TPST2: variants seen among roughly 807,000 people sequenced by gnomAD.
TPST2 encodes the protein protein-tyrosine sulfotransferase 2.
A neutral mutation model predicts 27.8 loss-of-function variants in TPST2; 16 were observed. The ratio of observed to expected loss-of-function variants is 0.58; its 90% CI spans 0.39 to 0.88. The LOEUF is 0.88. TPST2 is among the 40% of genes least tolerant of loss of function. The pLI is 0.00. For synonymous variants in TPST2, 229 were observed against 231.7 expected, an observed-to-expected ratio of 0.99 and a Z score of 0.10; for missense variants, 464 against 543.1, an observed-to-expected ratio of 0.85 and a Z score of 1.45.
At chr22:26,551,730 T>C (rs919915134) in intron 1 of TPST2, among the ~76,000 whole-genome samples, 2 of 152,174 alleles carry the variant, frequency 1.3e-5, no homozygotes, top group Middle Eastern at 3.4e-3. Context: ...TGGGTCAATC[T>C]TGGGCAGCTC....
At position 26,583,436 on chromosome 22, in the gene TPST2, C is replaced by CAAAA. The variant is rs775047318; in HGVS notation, c.-161+6613_-161+6616dup. Among the ~76,000 whole-genome samples, 101 of 63,644 alleles carry CAAAA rather than the reference C, an allele frequency of 1.6e-3. 7 individuals are homozygous for CAAAA. Among genetic ancestry groups the CAAAA allele is most frequent in the Middle Eastern group, 0.013 (1 of 76 alleles). 41.8% of individuals were successfully genotyped at this position (63,644 alleles called of 152,430 possible). A position where few individuals can be genotyped will look rare whatever the true frequency, so the allele number is the denominator to read the frequency against. On this transcript the variant is annotated intron_variant, in intron 1 of 6. Transcript: ENST00000338754. The stretch of plus-strand genomic sequence containing the variant: ...TGGGCGACAGAAGGAAACTCCATCT[C>CAAAA]AAAAAAAAAAAAAAAAAAAATGCCT...
intron 1 of TPST2, among the ~76,000 whole-genome samples, chr22:26,573,365 C>A (rs577999532): frequency 3.3e-5 from 5 of 152,324 alleles, no homozygotes; most frequent in African/African-American, 1.2e-4. Flanking sequence ...CTCGGGGTGA[C>A]AGCTGGGGCC....
chr22:26,534,248 C>A (rs1004620895), intron 4 of TPST2, among the ~76,000 whole-genome samples: 1 of 152,154 alleles, frequency 6.6e-6, no homozygotes, highest in Non-Finnish European at 1.5e-5. Context: ...TTGGAACACA[C>A]AGGGTCCACA....
At chr22:26,553,528 A>G (rs2147207554) in intron 1 of TPST2, among the ~76,000 whole-genome samples, 1 of 142,892 alleles carries the variant, frequency 7.0e-6, no homozygotes, top group African/African-American at 2.6e-5. Context: ...AAGTGCCACC[A>G]TGCCCAGTTA....
intron 1 of TPST2, among the ~76,000 whole-genome samples, chr22:26,584,677 C>CA (rs1218896133): frequency 2.0e-5 from 3 of 151,460 alleles, no homozygotes; most frequent in Non-Finnish European, 4.4e-5. Flanking sequence ...AACAAACAAA[C>CA]AAAAAAACCC....
At chr22:26,585,633 C>T (rs1928312586) in intron 1 of TPST2, among the ~76,000 whole-genome samples, 1 of 152,164 alleles carries the variant, frequency 6.6e-6, no homozygotes, top group South Asian at 2.1e-4. Context: ...CCACGTGGGG[C>T]ATCAAAGCCA....
At chr22:26,561,866 G>A (rs911996727) in intron 1 of TPST2, among the ~76,000 whole-genome samples, 2 of 152,150 alleles carry the variant, frequency 1.3e-5, no homozygotes, top group African/African-American at 4.8e-5. Flanking sequence ...AGGGCTGGCC[G>A]CCAGTCCAGT....
intron 1 of TPST2, chr22:26,555,141 G>A (rs1482231187): frequency 1.1e-5 from 6 of 531,342 alleles, no homozygotes; most frequent in Non-Finnish European, 2.3e-5. Context: ...ATTTTAACGT[G>A]GAGCTGAGGG....
chr22:26,567,735 C>T (rs1356054072), intron 1 of TPST2, among the ~76,000 whole-genome samples: 1 of 152,094 alleles, frequency 6.6e-6, no homozygotes, highest in Non-Finnish European at 1.5e-5. Context: ...GGACAGGCAA[C>T]ACAACAGAAA....
chr22:26,539,642 G>A lies in TPST2; in HGVS notation c.842+1147C>T, dbSNP rs186299988. On this transcript the variant is annotated intron_variant, in intron 3 of 6. Transcript: ENST00000338754. ...AAATGAGCTGGGTGTGGAGATGCTCGCCTGTAGTCCCAACTACTCGGGAGA... is the reference window on the plus strand; with the variant it reads ...AAATGAGCTGGGTGTGGAGATGCTCACCTGTAGTCCCAACTACTCGGGAGA... Among the ~76,000 whole-genome samples the A allele has an allele frequency of 2.8e-3, 431 of 151,658 alleles. 2 individuals are homozygous for A. The highest frequency in any genetic ancestry group is 1.0e-2 in the African/African-American group (413 of 41,356).
rs77069271 is a variant in TPST2 at position 26,532,647 on chromosome 22, G to A, written c.1092+48C>T. On this transcript the variant is annotated intron_variant, in intron 5 of 6. Transcript: ENST00000338754. ...TCTAAGGGCATACAGCCAGATGGTG[G>A]TATAGCTGAGAAAGACAGAATTCGG... 1,598 of 1,582,892 alleles carry A rather than the reference G, an allele frequency of 1.0e-3. 13 individuals are homozygous for A. In the African/African-American group the frequency reaches 0.02, roughly 20 times the overall value.
In TPST2 at chr22:26,532,018, C is replaced by T. The variant is rs146851431; in HGVS notation, c.1092+677G>A. ...GCATGATGGTGTGTGTCTGTAGTCTCAGCTTCTTGAGGGGCTGAGGTGAGA... is the reference window on the plus strand; with the variant it reads ...GCATGATGGTGTGTGTCTGTAGTCTTAGCTTCTTGAGGGGCTGAGGTGAGA... On this transcript the variant is annotated intron_variant, in intron 5 of 6. Coordinates refer to ENST00000338754, the MANE Select transcript of TPST2 (RefSeq NM_003595.5). 3.9e-3 allele frequency among the ~76,000 whole-genome samples: 595 copies of T among 152,304 alleles called. 3 individuals are homozygous for T. Among genetic ancestry groups the T allele is most frequent in the Non-Finnish European group, 7.1e-3 (480 of 68,036 alleles).
chr22:26,559,185 G>A (rs1926957766), intron 1 of TPST2, among the ~76,000 whole-genome samples: 1 of 152,232 alleles, frequency 6.6e-6, no homozygotes, highest in Admixed American at 6.5e-5. Flanking sequence ...GGCCAACATG[G>A]TGAAACCCTG....
chr22:26,577,470 GAGT>G (rs1927896518), intron 1 of TPST2, among the ~76,000 whole-genome samples: 1 of 151,432 alleles, frequency 6.6e-6, no homozygotes, highest in Non-Finnish European at 1.5e-5. Context: ...TCATCCTCCC[GAGT>G]AGTAGCTGGG....
intron 1 of TPST2, chr22:26,555,388 T>C: frequency 2.6e-6 from 1 of 388,660 alleles, no homozygotes; most frequent in South Asian, 1.9e-5. Flanking sequence ...AGACCTAAAG[T>C]TGGACAGACC....
chr22:26,586,694 G>A (rs1928360626), intron 1 of TPST2, among the ~76,000 whole-genome samples: 1 of 152,228 alleles, frequency 6.6e-6, no homozygotes, highest in Admixed American at 6.5e-5. Context: ...CAGCTGCCCA[G>A]ATGAACCAAG....
chr22:26,527,187 G>A lies in TPST2; in HGVS notation c.*8-920C>T, dbSNP rs146459894. 5.0e-4 allele frequency among the ~76,000 whole-genome samples: 76 copies of A among 152,316 alleles called. No individual in the cohort carries two copies. In the East Asian group the frequency reaches 0.011, roughly 22 times the overall value. On this transcript the variant is annotated intron_variant, in intron 6 of 6. Coordinates refer to ENST00000338754, the MANE Select transcript of TPST2 (RefSeq NM_003595.5). ...AATTGAAAGAAAAACTAAAACATAT[G>A]CTGATTGTTTAAAAATAGATACAGA...
intron 1 of TPST2, among the ~76,000 whole-genome samples, chr22:26,576,074 C>CA (rs1242770671): frequency 6.6e-6 from 1 of 151,822 alleles, no homozygotes; most frequent in African/African-American, 2.4e-5. Context: ...AAAGGACACA[C>CA]AAAAAAATTT....
At position 26,526,071 on chromosome 22, in the gene TPST2, T is replaced by C. The variant is rs1285167374; in HGVS notation, c.*204A>G. The C allele has an allele frequency of 3.3e-5, 5 of 152,150 alleles. No individual in the cohort carries two copies. The highest frequency in any genetic ancestry group is 1.2e-4 in the African/African-American group (5 of 41,462). The allele number at this position is 152,150 out of a possible 1,614,324, so 9.4% of individuals were successfully genotyped here. ...GACTACTTCCATACCCTTCATTCTCTACCCTGGAGTGTCCAGAGATAGAGA... is the reference window on the plus strand; with the variant it reads ...GACTACTTCCATACCCTTCATTCTCCACCCTGGAGTGTCCAGAGATAGAGA... On this transcript the variant is annotated 3_prime_UTR_variant, in exon 7 of 7. Transcript: ENST00000338754.
Sources: allele counts gnomAD v4.1 joint callset (sites outside exome capture counted in the v4.1 genomes callset), GRCh38; gene constraint gnomAD v4.1.1; transcripts MANE v1.5; gene names NCBI Gene and HGNC (gene_info 2026-07-23, HGNC 2026-07-21).